The following SNTG2 variants were observed in gnomAD, a reference collection of about 807,000 sequenced individuals.
SNTG2 encodes the protein syntrophin gamma 2, also known as gamma-2-syntrophin.
In SNTG2, 74 loss-of-function variants were observed where a neutral mutation model predicts 70.9. That is an observed-to-expected ratio of 1.04 (90% CI 0.86 to 1.27). The LOEUF (loss-of-function observed/expected upper bound fraction) is 1.27. Among genes scored for constraint, SNTG2 ranks in the 50% most tolerant of loss-of-function variants. The pLI is 0.00. For synonymous variants in SNTG2, 278 were observed against 273.8 expected, an observed-to-expected ratio of 1.02 and a Z score of -0.15; for missense variants, 717 against 690.7, an observed-to-expected ratio of 1.04 and a Z score of -0.43.
intron 8 of SNTG2, among the ~76,000 whole-genome samples, chr2:1,203,923 A>C (rs1049597398): frequency 6.6e-6 from 1 of 152,172 alleles, no homozygotes; most frequent in African/African-American, 2.4e-5. Flanking sequence ...TCCTCAAGCA[A>C]CAATCAGATC....
chr2:1,072,787 A>T (rs1360082486), intron 1 of SNTG2, among the ~76,000 whole-genome samples: 1 of 152,188 alleles, frequency 6.6e-6, no homozygotes, highest in Non-Finnish European at 1.5e-5. Flanking sequence ...ACCATTCTAG[A>T]TGCCACTAAG....
At chr2:1,330,268 T>A (rs1355055363) in intron 16 of SNTG2, among the ~76,000 whole-genome samples, 1 of 152,180 alleles carries the variant, frequency 6.6e-6, no homozygotes, top group African/African-American at 2.4e-5. Flanking sequence ...AAACAAATAA[T>A]TCAAATTAAT....
At chr2:1,297,664 A>G (rs1680280678) in intron 14 of SNTG2, among the ~76,000 whole-genome samples, 1 of 152,162 alleles carries the variant, frequency 6.6e-6, no homozygotes. Context: ...TGGCTCTTGT[A>G]GGTCGTTTTC....
chr2:1,116,985 G>C (rs1429616842), intron 4 of SNTG2, among the ~76,000 whole-genome samples: 2 of 148,484 alleles, frequency 1.3e-5, no homozygotes, highest in Non-Finnish European at 3.0e-5. Flanking sequence ...TGGCATGTGG[G>C]TGCTCTGGTG....
rs115870730 is a variant in SNTG2 at position 1,288,927 on chromosome 2, C to G, written c.1285-19567C>G. ...CATTTGCAGGTCATCCCCAGCCACA[C>G]AAATCTGACTTCAGATTTCTGGTCT... is the stretch of plus-strand genomic sequence containing the variant. On this transcript the variant is annotated intron_variant, in intron 14 of 16. Transcript: ENST00000308624. Among the ~76,000 whole-genome samples the G allele has an allele frequency of 8.2e-3, 1,253 of 152,262 alleles. 19 individuals are homozygous for G. Among genetic ancestry groups the G allele is most frequent in the African/African-American group, 0.029 (1,197 of 41,550 alleles).
chr2:1,155,246 TAC>T (rs535039896), intron 6 of SNTG2, among the ~76,000 whole-genome samples: 2 of 144,566 alleles, frequency 1.4e-5, no homozygotes, highest in Admixed American at 1.4e-4. Context: ...TATATGGACA[TAC>T]ACACACCACA....
At chr2:1,363,592 G>T (rs1661316599) in intron 16 of SNTG2, among the ~76,000 whole-genome samples, 1 of 152,294 alleles carries the variant, frequency 6.6e-6, no homozygotes, top group East Asian at 1.9e-4. Context: ...TGTGAACACA[G>T]GTGAGGAGTG....
intron 12 of SNTG2, among the ~76,000 whole-genome samples, chr2:1,256,963 CT>C (rs67092515): frequency 0.011 from 1,018 of 89,882 alleles, 7 homozygotes; most frequent in Non-Finnish European, 0.013. Context: ...CCCACTTCTT[CT>C]TTTTTTTTTT....
chr2:1,139,275 G>C (rs989525684), intron 6 of SNTG2, among the ~76,000 whole-genome samples: 1 of 152,192 alleles, frequency 6.6e-6, no homozygotes, highest in Non-Finnish European at 1.5e-5. Flanking sequence ...CTGTCGCCCA[G>C]TGTAGAGTGC....
At chr2:1,079,307 GGCATATTACT>G (rs1664130154) in intron 1 of SNTG2, among the ~76,000 whole-genome samples, 1 of 152,328 alleles carries the variant, frequency 6.6e-6, no homozygotes, top group East Asian at 1.9e-4. Context: ...GTGCCTGGAG[GGCATATTACT>G]GCATATTACG....
chr2:1,355,651 A>T (rs1434450930), intron 16 of SNTG2, among the ~76,000 whole-genome samples: 1 of 152,136 alleles, frequency 6.6e-6, no homozygotes, highest in Non-Finnish European at 1.5e-5. Context: ...TGAACAGGGG[A>T]GTGCAGGTCT....
At chr2:1,138,753 T>C (rs1668561616) in intron 6 of SNTG2, among the ~76,000 whole-genome samples, 1 of 152,152 alleles carries the variant, frequency 6.6e-6, no homozygotes, top group Non-Finnish European at 1.5e-5. Flanking sequence ...TAATTTAACT[T>C]GTCCCACGAA....
chr2:1,364,668 G>A lies in SNTG2; in HGVS notation c.1489-2675G>A, dbSNP rs1400767517. 8.0e-5 allele frequency among the ~76,000 whole-genome samples: 12 copies of A among 150,836 alleles called. 1 individual carries two copies. Among genetic ancestry groups the A allele is most frequent in the East Asian group, 2.0e-4 (1 of 5,110 alleles). On this transcript the variant is annotated intron_variant, in intron 16 of 16. Coordinates refer to ENST00000308624, the MANE Select transcript of SNTG2 (RefSeq NM_018968.4). ...AGCTACTTGGGAGGCCGAGATGGGC[G>A]GATCACGAGGTCAGGAGGTTGAGAC...
intron 16 of SNTG2, among the ~76,000 whole-genome samples, chr2:1,325,788 A>T (rs1681732613): frequency 6.6e-6 from 1 of 152,176 alleles, no homozygotes; most frequent in Non-Finnish European, 1.5e-5. Flanking sequence ...GACATACAGC[A>T]ATTAAACGTA....
At chr2:1,120,711 CAT>C (rs1479072465) in intron 4 of SNTG2, among the ~76,000 whole-genome samples, 1 of 152,050 alleles carries the variant, frequency 6.6e-6, no homozygotes, top group African/African-American at 2.4e-5. Context: ...ACATAACAAT[CAT>C]AAACATATAT....
intron 6 of SNTG2, among the ~76,000 whole-genome samples, chr2:1,144,096 A>C (rs948632728): frequency 2.0e-5 from 3 of 152,136 alleles, no homozygotes; most frequent in African/African-American, 7.2e-5. Flanking sequence ...ATCTGACTTC[A>C]AAAACGGTTG....
intron 6 of SNTG2, chr2:1,159,262 T>G (rs1230342545): frequency 2.6e-5 from 4 of 152,050 alleles, no homozygotes; most frequent in Non-Finnish European, 5.9e-5. Flanking sequence ...CAGGTGTGTG[T>G]GCATGTGTGT....
intron 1 of SNTG2, among the ~76,000 whole-genome samples, chr2:1,006,289 T>C (rs1659569120): frequency 6.6e-6 from 1 of 151,686 alleles, no homozygotes; most frequent in South Asian, 2.1e-4. Flanking sequence ...TGTGCACATG[T>C]ACCTTAAAAC....
At chr2:1,239,924 A>C in intron 11 of SNTG2, 148 bp downstream of exon 11, 1 of 1,022,038 alleles carries the variant, frequency 9.8e-7, no homozygotes. Context: ...AGCACATTTC[A>C]GACTGCATTT....
Sources: gnomAD v4.1 joint callset for allele counts (sites outside exome capture counted in the v4.1 genomes callset) on GRCh38, gnomAD v4.1.1 for gene constraint, MANE v1.5 for transcripts, NCBI Gene and HGNC (gene_info 2026-07-23, HGNC 2026-07-21) for gene names.